The following GOLGA7B variants were observed in gnomAD, a reference collection of about 807,000 sequenced individuals.
The protein encoded by GOLGA7B is golgin subfamily A member 7B.
A neutral mutation model predicts 21.5 loss-of-function variants in GOLGA7B; 17 were observed. That is an observed-to-expected ratio of 0.79 (90% confidence interval 0.54 to 1.19). GOLGA7B has a LOEUF of 1.19. Ranked by LOEUF, GOLGA7B falls within the 50% of genes most tolerant of loss-of-function variation. The probability of loss-of-function intolerance (pLI) is 0.00; values close to 1 mark genes in which losing one functional copy is unlikely to be tolerated. For synonymous variants in GOLGA7B, 87 were observed against 84.0 expected (o/e 1.04, Z -0.19); for missense variants, 169 against 224.4 (o/e 0.75, Z 1.58).
At chr10:97,851,848 G>A (rs564593122) in intron 1 of GOLGA7B, among the ~76,000 whole-genome samples, 4 of 152,360 alleles carry the variant, frequency 2.6e-5, no homozygotes, top group South Asian at 2.1e-4. Context: ...TCAAGACAGC[G>A]TTTCCAGGAG....
chr10:97,857,665 G>T (rs73328570), intron 1 of GOLGA7B, among the ~76,000 whole-genome samples: 1 of 152,050 alleles, frequency 6.6e-6, no homozygotes, highest in Non-Finnish European at 1.5e-5. Flanking sequence ...AATAGCCAAA[G>T]CAATCCTATG....
At chr10:97,856,591 G>C (rs1299251867) in intron 1 of GOLGA7B, among the ~76,000 whole-genome samples, 1 of 152,080 alleles carries the variant, frequency 6.6e-6, no homozygotes, top group African/African-American at 2.4e-5. Flanking sequence ...TTTTCCTTTG[G>C]GAGGATACCC....
At chr10:97,862,477 T>C (rs2049977138) in intron 2 of GOLGA7B, among the ~76,000 whole-genome samples, 1 of 152,296 alleles carries the variant, frequency 6.6e-6, no homozygotes, top group Admixed American at 6.5e-5. Flanking sequence ...TGTATTCTTA[T>C]AATAAAGTAA....
chr10:97,859,561 T>C lies in GOLGA7B; in HGVS notation c.116T>C (p.Phe39Ser). Residue 39 changes from phenylalanine (F) to serine (S), a missense_variant, in exon 2 of 5, where the codon TTC becomes TCC. Phe to Ser is a radical substitution (Grantham distance 155). Transcript: ENST00000370602. ...DGTICQFQTK[F>S]PPELDSRIER... The stretch of plus-strand genomic sequence containing the variant: ...ACCATCTGTCAGTTCCAGACCAAAT[T>C]CCCCCCAGAGCTGGACAGCCGGGTA... 6.2e-7 allele frequency: 1 copy of C among 1,613,598 alleles called. No individual in the cohort carries two copies. Among genetic ancestry groups the C allele is most frequent in the Non-Finnish European group, 8.5e-7 (1 of 1,179,894 alleles).
At position 97,865,617 on chromosome 10, in the gene GOLGA7B, T is replaced by TGCAGCAGTGGCAGCTCCAGCAGCG; in HGVS notation, c.429_452dup (p.Gly144_Ser151dup). 2 of 1,613,594 alleles carry TGCAGCAGTGGCAGCTCCAGCAGCG rather than the reference T, an allele frequency of 1.2e-6. No individual in the cohort carries two copies. Among genetic ancestry groups the TGCAGCAGTGGCAGCTCCAGCAGCG allele is most frequent in the Non-Finnish European group, 1.7e-6 (2 of 1,179,704 alleles). ...TGAGATCTCCATCTACGAGGACCGG[T>TGCAGCAGTGGCAGCTCCAGCAGCG]GCAGCAGTGGCAGCTCCAGCAGCGG... On this transcript the variant is annotated inframe_insertion, in exon 5 of 5. Coordinates refer to ENST00000370602, the MANE Select transcript of GOLGA7B (RefSeq NM_001010917.3).
intron 1 of GOLGA7B, among the ~76,000 whole-genome samples, chr10:97,851,548 A>T (rs2049905875): frequency 6.6e-6 from 1 of 152,202 alleles, no homozygotes; most frequent in African/African-American, 2.4e-5. Context: ...TCTAGAGTAG[A>T]GGAATGCAGA....
intron 1 of GOLGA7B, among the ~76,000 whole-genome samples, chr10:97,854,291 T>C (rs111510801): frequency 9.0e-4 from 137 of 152,302 alleles, no homozygotes; most frequent in Non-Finnish European, 1.7e-3. Flanking sequence ...GTTGAAGAAA[T>C]GGAGGTGCAG....
intron 2 of GOLGA7B, among the ~76,000 whole-genome samples, chr10:97,862,496 A>G (rs992344958): frequency 6.6e-6 from 1 of 152,230 alleles, no homozygotes; most frequent in African/African-American, 2.4e-5. Context: ...AAGCTAGAGA[A>G]AAGAAAATGT....
intron 4 of GOLGA7B, 160 bp from the exon 5 acceptor site, chr10:97,865,429 TG>T: frequency 8.1e-7 from 1 of 1,231,676 alleles, no homozygotes; most frequent in Non-Finnish European, 1.1e-6. Context: ...TGTGCATGGA[TG>T]GGCTTGGGGA....
intron 4 of GOLGA7B, 142 bp from the exon 5 acceptor site, chr10:97,865,448 G>C (rs2050008269): frequency 1.4e-6 from 2 of 1,430,038 alleles, no homozygotes; most frequent in Non-Finnish European, 1.9e-6. Flanking sequence ...GGAGGGTCTA[G>C]CTCCCAGGCC....
Position 97,866,043 on chromosome 10 carries a change from C to G in GOLGA7B, c.*343C>G. 1 of 303,804 alleles carries G rather than the reference C, an allele frequency of 3.3e-6. No homozygotes were observed. 18.8% of individuals were successfully genotyped at this position (303,804 alleles called of 1,614,324 possible). A position where few individuals can be genotyped will look rare whatever the true frequency, so the allele number is the denominator to read the frequency against. On this transcript the variant is annotated 3_prime_UTR_variant, in exon 5 of 5. Coordinates refer to ENST00000370602, the MANE Select transcript of GOLGA7B (RefSeq NM_001010917.3). The stretch of plus-strand genomic sequence containing the variant: ...TTCCACAGCCCCTCTCCCAACCCTG[C>G]GAGGGGGGCCGAGGCCTGCCACATA...
In GOLGA7B at chr10:97,867,104, C is replaced by T. The variant is rs1040760000; in HGVS notation, c.*1404C>T. The T allele has an allele frequency of 2.6e-5, 4 of 152,262 alleles. No individual in the cohort carries two copies. Among genetic ancestry groups the T allele is most frequent in the Non-Finnish European group, 5.9e-5 (4 of 68,110 alleles). 9.4% of individuals were successfully genotyped at this position (152,262 alleles called of 1,614,324 possible). On this transcript the variant is annotated 3_prime_UTR_variant, in exon 5 of 5. Coordinates refer to ENST00000370602, the MANE Select transcript of GOLGA7B (RefSeq NM_001010917.3). ...GGTGCCCCCTCTCAGCTCCCCATGACAAGACAACGGGGCTGCAGACACTGT... is the reference window on the plus strand; with the variant it reads ...GGTGCCCCCTCTCAGCTCCCCATGATAAGACAACGGGGCTGCAGACACTGT...
rs1440213185 is a variant in GOLGA7B at position 97,866,867 on chromosome 10, CCAA to C, written c.*1169_*1171del. On this transcript the variant is annotated 3_prime_UTR_variant, in exon 5 of 5. Coordinates refer to ENST00000370602, the MANE Select transcript of GOLGA7B (RefSeq NM_001010917.3). ...TTGTGTGTTCCCCTTGGCTGCCAGG[CCAA>C]CGACTGCTTCTCTGCATCCTGCTGT... 1.3e-5 allele frequency: 2 copies of C among 152,356 alleles called. No homozygotes were observed. The highest frequency in any genetic ancestry group is 1.3e-4 in the Admixed American group (2 of 15,278). The allele number at this position is 152,356 out of a possible 1,614,324, so 9.4% of individuals were successfully genotyped here.
intron 4 of GOLGA7B, among the ~76,000 whole-genome samples, chr10:97,864,594 T>C (rs1179361205): frequency 6.6e-6 from 1 of 152,328 alleles, no homozygotes; most frequent in African/African-American, 2.4e-5. Flanking sequence ...AGCAACCTGC[T>C]TAGAGTCGTG....
rs536815229 is a variant in GOLGA7B, at chr10:97,870,955, C to T, written c.*5255C>T. The T allele has an allele frequency of 6.6e-6, 1 of 152,262 alleles. No individual in the cohort carries two copies. Among genetic ancestry groups the T allele is most frequent in the East Asian group, 1.9e-4 (1 of 5,180 alleles). 9.4% of individuals were successfully genotyped at this position (152,262 alleles called of 1,614,324 possible). Reference sequence around the variant, plus strand: ...AGATTCTCAAAGGGGTATGCAACCCCCTAAAAAGGTTAAGAACAATTGGTT... The same window carrying T: ...AGATTCTCAAAGGGGTATGCAACCCTCTAAAAAGGTTAAGAACAATTGGTT... On this transcript the variant is annotated 3_prime_UTR_variant, in exon 5 of 5. Coordinates refer to ENST00000370602, the MANE Select transcript of GOLGA7B (RefSeq NM_001010917.3).
intron 1 of GOLGA7B, among the ~76,000 whole-genome samples, chr10:97,859,195 A>C (rs1369020605): frequency 1.3e-5 from 2 of 152,240 alleles, no homozygotes; most frequent in African/African-American, 4.8e-5. Flanking sequence ...CTGGGATTAC[A>C]GGCACAAGCC....
At chr10:97,860,060 C>G (rs572845250) in intron 2 of GOLGA7B, among the ~76,000 whole-genome samples, 102 of 152,162 alleles carry the variant, frequency 6.7e-4, no homozygotes, top group Non-Finnish European at 1.1e-3. Context: ...ATTAGACTCT[C>G]TAGGGGTGGG....
At position 97,850,260 on chromosome 10, in the gene GOLGA7B, C is replaced by A. The variant is rs1226530980; in HGVS notation, c.-44C>A. The A allele has an allele frequency of 2.8e-6, 4 of 1,435,008 alleles. No homozygotes were observed. The Admixed American group carries it at 7.4e-5, about 26-fold the overall frequency. The allele number at this position is 1,435,008 out of a possible 1,614,324, so 88.9% of individuals were successfully genotyped here. On this transcript the variant is annotated 5_prime_UTR_variant, in exon 1 of 5. Transcript: ENST00000370602. The stretch of plus-strand genomic sequence containing the variant: ...CTCCCGGGGTCAGCACCGCGGAGAC[C>A]CCCCTCGCCCGGCCCCGCGACAGCC...
chr10:97,864,057 T>G lies in GOLGA7B; in HGVS notation c.266T>G (p.Leu89Arg). 1 of 1,614,146 alleles carries G rather than the reference T, an allele frequency of 6.2e-7. No homozygotes were observed. The change falls in exon 3 of 5, where the codon CTC (leucine) becomes CGC (arginine). Residue 89 changes from leucine (L) to arginine (R), a missense_variant. Physicochemically the swap from Leu to Arg is moderately radical, Grantham distance 102. Transcript: ENST00000370602. ...LACATAYFIF[L>R]CMETHYEKVL... The stretch of plus-strand genomic sequence containing the variant: ...TGCGCCACGGCCTACTTCATCTTCC[T>G]CTGCATGGAGACCCACTATGAGAAG...
Sources: gnomAD v4.1 joint callset for allele counts (sites outside exome capture counted in the v4.1 genomes callset) on GRCh38, gnomAD v4.1.1 for gene constraint, MANE v1.5 for transcripts, NCBI Gene and HGNC (gene_info 2026-07-23, HGNC 2026-07-21) for gene names.